Variants in KCNK3 observed in about 807,000 individuals in gnomAD.
KCNK3 encodes the protein potassium channel subfamily K member 3.
KCNK3 carries 9 observed loss-of-function variants against 27.3 expected under a neutral mutation model. That is an observed-to-expected ratio of 0.33 (90% CI 0.20 to 0.57). The LOEUF (loss-of-function observed/expected upper bound fraction) is 0.57. Ranked by LOEUF, KCNK3 falls within the 20% of genes least tolerant of loss-of-function variation. The pLI, the probability that KCNK3 is intolerant of heterozygous loss-of-function variation, is 0.87. For synonymous variants in KCNK3, 278 were observed against 273.8 expected, an observed-to-expected ratio of 1.02 and a Z score of -0.15; for missense variants, 391 against 577.7, an observed-to-expected ratio of 0.68 and a Z score of 3.31.
chr2:26,708,165 G>C (rs1196369072), intron 1 of KCNK3, among the ~76,000 whole-genome samples: 8 of 152,220 alleles, frequency 5.3e-5, no homozygotes, highest in Non-Finnish European at 1.0e-4. Flanking sequence ...GAGTGAGAGG[G>C]AGAGCTGCCT....
rs140909653 is a variant in KCNK3 at position 26,722,188 on chromosome 2, G to A, written c.284-5479G>A. 2.9e-3 allele frequency among the ~76,000 whole-genome samples: 444 copies of A among 152,284 alleles called. 2 individuals carry two copies. Among genetic ancestry groups the A allele is most frequent in the African/African-American group, 0.01 (422 of 41,552 alleles). On this transcript the variant is annotated intron_variant, in intron 1 of 1. Transcript: ENST00000302909. Reference sequence around the variant, plus strand: ...AAAGCCTAGGCTCAAATCAAATGATGGTGAATCCTGTTAAATTCAGCATTT... The same window carrying A: ...AAAGCCTAGGCTCAAATCAAATGATAGTGAATCCTGTTAAATTCAGCATTT...
chr2:26,706,576 G>A (rs915152444), intron 1 of KCNK3, among the ~76,000 whole-genome samples: 4 of 152,166 alleles, frequency 2.6e-5, no homozygotes, highest in Non-Finnish European at 5.9e-5. Context: ...CTCTGGAGCA[G>A]GGGCTCCTCT....
At chr2:26,702,601 G>A (rs752345379) in intron 1 of KCNK3, among the ~76,000 whole-genome samples, 53 of 152,180 alleles carry the variant, frequency 3.5e-4, no homozygotes, top group Non-Finnish European at 6.8e-4. Context: ...GACCAAAGAT[G>A]AATTGCACTG....
chr2:26,697,310 G>C (rs1411436387), intron 1 of KCNK3, among the ~76,000 whole-genome samples: 4 of 152,174 alleles, frequency 2.6e-5, no homozygotes, highest in Non-Finnish European at 5.9e-5. Context: ...GTCCAGACCA[G>C]CCCGGACAAC....
At chr2:26,699,251 A>AAGAAAGAAAGAAAGAAAGCAAGCC (rs201319916) in intron 1 of KCNK3, among the ~76,000 whole-genome samples, 3 of 134,258 alleles carry the variant, frequency 2.2e-5, no homozygotes, top group Admixed American at 2.2e-4. Flanking sequence ...GAAAGAAAGA[A>AAGAAAGAAAGAAAGAAAGCAAGCC]AGCCAGCCAA....
At position 26,721,357 on chromosome 2, in the gene KCNK3, C is replaced by T. The variant is rs954746054; in HGVS notation, c.284-6310C>T. Among the ~76,000 whole-genome samples, 4 of 152,116 alleles carry T rather than the reference C, an allele frequency of 2.6e-5. No homozygotes were observed. Among genetic ancestry groups the T allele is most frequent in the African/African-American group, 9.7e-5 (4 of 41,422 alleles). ...CATCTCACAGGAGGAGGGAGAGCAC[C>T]TGCGCCCTCCTCCCGTCTCCACCAA... On this transcript the variant is annotated intron_variant, in intron 1 of 1. Coordinates refer to ENST00000302909, the MANE Select transcript of KCNK3 (RefSeq NM_002246.3). This position sits in a 1 kb window ranked among gnomAD's most constrained non-coding sequence, Gnocchi z 4.3.
At chr2:26,697,089 G>T (rs1670243453) in intron 1 of KCNK3, among the ~76,000 whole-genome samples, 1 of 152,166 alleles carries the variant, frequency 6.6e-6, no homozygotes, top group African/African-American at 2.4e-5. Flanking sequence ...GAGGCTCTGA[G>T]GGTAGATGAC....
chr2:26,692,779 C>A lies in KCNK3; in HGVS notation c.-97C>A. On this transcript the variant is annotated 5_prime_UTR_variant, in exon 1 of 2. Transcript: ENST00000302909. The surrounding 1 kb of genome is among the most constrained non-coding windows in gnomAD (Gnocchi z 5.6). The stretch of plus-strand genomic sequence containing the variant: ...CCGGCGCGGAGAGCGGCGAGCGCAG[C>A]CATGCCCCAGGCCGCCTCCGGGGCA... 1.6e-6 allele frequency: 1 copy of A among 640,814 alleles called. No homozygotes were observed. Among genetic ancestry groups the A allele is most frequent in the Non-Finnish European group, 1.9e-6 (1 of 516,594 alleles). The allele number at this position is 640,814 out of a possible 1,614,324, so 39.7% of individuals were successfully genotyped here. A position where few individuals can be genotyped will look rare whatever the true frequency, so the allele number is the denominator to read the frequency against.
intron 1 of KCNK3, among the ~76,000 whole-genome samples, chr2:26,715,995 C>A (rs1466815510): frequency 1.3e-5 from 2 of 152,196 alleles, no homozygotes; most frequent in Admixed American, 1.3e-4. Context: ...CGCTGAAGGG[C>A]CTCAAGAATG....
intron 1 of KCNK3, among the ~76,000 whole-genome samples, chr2:26,709,089 G>A (rs922385964): frequency 6.6e-6 from 1 of 152,156 alleles, no homozygotes; most frequent in African/African-American, 2.4e-5. Context: ...GCAACCAGGT[G>A]GAGGATGTGC....
chr2:26,700,745 T>TCATCAC (rs1301002857), intron 1 of KCNK3, among the ~76,000 whole-genome samples: 26 of 151,034 alleles, frequency 1.7e-4, no homozygotes, highest in African/African-American at 4.6e-4. Context: ...ATCATCATCA[T>TCATCAC]CACCATCATC....
intron 1 of KCNK3, among the ~76,000 whole-genome samples, chr2:26,724,228 G>T (rs1317838515): frequency 6.6e-6 from 1 of 152,234 alleles, no homozygotes; most frequent in East Asian, 1.9e-4. Flanking sequence ...AATGGGGTGG[G>T]GGGCACCCTA....
At chr2:26,701,141 A>G (rs1436662113) in intron 1 of KCNK3, among the ~76,000 whole-genome samples, 1 of 152,216 alleles carries the variant, frequency 6.6e-6, no homozygotes, top group Non-Finnish European at 1.5e-5. Flanking sequence ...GAACCTGGAG[A>G]CCTGACATCT....
At position 26,728,336 on chromosome 2, in the gene KCNK3, G is replaced by A. The variant is rs150626749; in HGVS notation, c.953G>A (p.Arg318His). ...SMCSCLWYKS[R>H]EKLQYSIPMI... ...TGCTCGTGCCTGTGGTACAAGAGCC[G>A]CGAGAAGCTGCAGTACTCCATCCCC... is the stretch of plus-strand genomic sequence containing the variant. Residue 318 changes from arginine to histidine, a missense_variant, in exon 2 of 2, where the codon CGC becomes CAC. Transcript: ENST00000302909. 2.0e-4 allele frequency: 313 copies of A among 1,604,142 alleles called. 2 individuals carry two copies. The highest frequency in any genetic ancestry group is 4.7e-5 in the Non-Finnish European group (55 of 1,175,692).
At chr2:26,716,366 GGATT>G (rs1443635623) in intron 1 of KCNK3, among the ~76,000 whole-genome samples, 1 of 152,136 alleles carries the variant, frequency 6.6e-6, no homozygotes, top group East Asian at 1.9e-4. Context: ...GAAATACAAG[GGATT>G]ATTATTCTAG....
intron 1 of KCNK3, among the ~76,000 whole-genome samples, chr2:26,715,614 T>C (rs1196491130): frequency 6.6e-6 from 1 of 152,198 alleles, no homozygotes; most frequent in Non-Finnish European, 1.5e-5. Flanking sequence ...TGTTCTGGCT[T>C]GTCTTGGCAT....
At chr2:26,698,042 G>T (rs908933789) in intron 1 of KCNK3, among the ~76,000 whole-genome samples, 2 of 152,242 alleles carry the variant, frequency 1.3e-5, no homozygotes, top group East Asian at 3.8e-4. Context: ...GGAGTTGAGA[G>T]TATGACCCTG....
In KCNK3 at chr2:26,728,256, G is replaced by A; in HGVS notation, c.873G>A (p.Ala291=). The change falls in exon 2 of 2, where the codon GCG becomes GCA. Residue 291 remains alanine (A), a synonymous_variant. Transcript: ENST00000302909. ...TTDTASSTAA[A]GGGGFRNVYA... is the part of the protein sequence containing the mutation. ...ACACCGCCTCATCCACGGCGGCAGC[G>A]GGCGGCGGCGGCTTCCGCAACGTCT... 1.3e-6 allele frequency: 2 copies of A among 1,582,928 alleles called. No individual in the cohort carries two copies. The highest frequency in any genetic ancestry group is 1.7e-6 in the Non-Finnish European group (2 of 1,164,732).
intron 1 of KCNK3, among the ~76,000 whole-genome samples, chr2:26,710,280 T>C (rs1358728667): frequency 6.6e-6 from 1 of 152,152 alleles, no homozygotes; most frequent in East Asian, 1.9e-4. Context: ...GGCCCAGAGA[T>C]GAGATGCAAG....
Sources: gnomAD v4.1 joint callset for allele counts (sites outside exome capture counted in the v4.1 genomes callset) on GRCh38, gnomAD v4.1.1 for gene constraint, Gnocchi (gnomAD v3.1) non-coding constraint, MANE v1.5 for transcripts, NCBI Gene and HGNC (gene_info 2026-07-23, HGNC 2026-07-21) for gene names.